CACNG1: variants seen among roughly 807,000 people sequenced by gnomAD.
CACNG1 encodes the protein voltage-dependent calcium channel gamma-1 subunit.
Under a neutral mutation model 22.0 loss-of-function variants are expected in CACNG1, and 21 were observed. That is an observed-to-expected ratio of 0.95 (90% CI 0.68 to 1.37). CACNG1 has a LOEUF of 1.37. CACNG1 is among the 40% of genes most tolerant of loss of function. CACNG1 has a pLI of 0.00. For missense variants in CACNG1, 291 were observed against 308.6 expected, an observed-to-expected ratio of 0.94 and a Z score of 0.43; for synonymous variants, 127 against 129.2, an observed-to-expected ratio of 0.98 and a Z score of 0.12.
At chr17:67,046,684 C>G (rs1299696884) in intron 1 of CACNG1, among the ~76,000 whole-genome samples, 1 of 152,178 alleles carries the variant, frequency 6.6e-6, no homozygotes, top group East Asian at 1.9e-4. Context: ...CAGGGCAGGG[C>G]AAGGCAGCTT....
chr17:67,055,934 C>G lies in CACNG1; in HGVS notation c.443-111C>G. ...CCATCTAGAACCTGCCTTGAGGCAG[C>G]TTTTCCCCCAAGGCAAGGTCACCGC... On this transcript the variant is annotated intron_variant, in intron 3 of 3. Transcript: ENST00000226021. The surrounding 1 kb of genome is among the most constrained non-coding windows in gnomAD (Gnocchi z 4.5). 2 of 808,758 alleles carry G rather than the reference C, an allele frequency of 2.5e-6. No homozygotes were observed. The highest frequency in any genetic ancestry group is 2.0e-6 in the Non-Finnish European group (1 of 498,906). 50.1% of individuals were successfully genotyped at this position (808,758 alleles called of 1,614,324 possible).
chr17:67,054,208 A>G lies in CACNG1; in HGVS notation c.304+138A>G. ...GAAGCCTGTGGTGCATTTGAACAACAGCCTTGTCAGCTCCCCGCTCCGGAG... is the reference window on the plus strand; with the variant it reads ...GAAGCCTGTGGTGCATTTGAACAACGGCCTTGTCAGCTCCCCGCTCCGGAG... On this transcript the variant is annotated intron_variant, in intron 2 of 3. Coordinates refer to ENST00000226021, the MANE Select transcript of CACNG1 (RefSeq NM_000727.4). The surrounding 1 kb of genome is among the most constrained non-coding windows in gnomAD (Gnocchi z 4.6). 1.4e-6 allele frequency: 1 copy of G among 694,220 alleles called. No homozygotes were observed. Among genetic ancestry groups the G allele is most frequent in the Non-Finnish European group, 2.5e-6 (1 of 396,972 alleles). 43.0% of individuals were successfully genotyped at this position (694,220 alleles called of 1,614,324 possible).
At chr17:67,047,551 C>T (rs565576248) in intron 1 of CACNG1, among the ~76,000 whole-genome samples, 2 of 152,182 alleles carry the variant, frequency 1.3e-5, no homozygotes, top group East Asian at 1.9e-4. Context: ...CATTATTTGA[C>T]CTGTCTGGTG....
chr17:67,055,004 C>T lies in CACNG1; in HGVS notation c.305-99C>T, dbSNP rs868117417. ...ACACACACACAATGACACACACAGA[C>T]ACTGACACACACACTGTGGTGCATG... On this transcript the variant is annotated intron_variant, in intron 2 of 3. Coordinates refer to ENST00000226021, the MANE Select transcript of CACNG1 (RefSeq NM_000727.4). This position sits in a 1 kb window ranked among gnomAD's most constrained non-coding sequence, Gnocchi z 4.5. 1.6e-6 allele frequency: 2 copies of T among 1,241,468 alleles called. No individual in the cohort carries two copies. The highest frequency in any genetic ancestry group is 3.5e-5 in the African/African-American group (2 of 57,498). The allele number at this position is 1,241,468 out of a possible 1,614,324, so 76.9% of individuals were successfully genotyped here.
At chr17:67,052,454 T>A (rs942477635) in intron 1 of CACNG1, among the ~76,000 whole-genome samples, 10 of 152,100 alleles carry the variant, frequency 6.6e-5, no homozygotes, top group African/African-American at 2.4e-4. Context: ...TTAAAGAAAG[T>A]CTTCATCCCA....
At chr17:67,046,597 G>A (rs1359339424) in intron 1 of CACNG1, among the ~76,000 whole-genome samples, 1 of 152,212 alleles carries the variant, frequency 6.6e-6, no homozygotes, top group Non-Finnish European at 1.5e-5. Context: ...GGATGCCCAT[G>A]CCCCTTGGCC....
At chr17:67,045,524 CT>C (rs71367200) in intron 1 of CACNG1, among the ~76,000 whole-genome samples, 8,711 of 109,698 alleles carry the variant, frequency 0.079, 230 homozygotes, top group East Asian at 0.11. Flanking sequence ...CCCCCACCTT[CT>C]TTTTTTTTTT....
chr17:67,045,665 G>A (rs1234318035), intron 1 of CACNG1, among the ~76,000 whole-genome samples: 1 of 151,826 alleles, frequency 6.6e-6, no homozygotes, highest in African/African-American at 2.4e-5. Flanking sequence ...TGGGATTACA[G>A]GCATGCACCA....
chr17:67,054,030 C>A lies in CACNG1; in HGVS notation c.264C>A (p.Pro88=). The change falls in exon 2 of 4, where the codon CCC becomes CCA. Residue 88 remains proline, a synonymous_variant. Transcript: ENST00000226021. The surrounding 1 kb of genome is among the most constrained non-coding windows in gnomAD (Gnocchi z 4.6). ...KNCSYFRHFN[P]GESSEIFEFT... The stretch of plus-strand genomic sequence containing the variant: ...GTTCCTACTTCAGGCATTTTAACCC[C>A]GGCGAGAGCTCGGAGATCTTCGAAT... The A allele has an allele frequency of 6.2e-7, 1 of 1,614,130 alleles. No individual in the cohort carries two copies. Among genetic ancestry groups the A allele is most frequent in the South Asian group, 1.1e-5 (1 of 91,084 alleles).
chr17:67,046,120 C>T (rs2035695583), intron 1 of CACNG1, among the ~76,000 whole-genome samples: 1 of 152,150 alleles, frequency 6.6e-6, no homozygotes, highest in Non-Finnish European at 1.5e-5. Flanking sequence ...TTGCCCACTA[C>T]CCTCAAATGA....
chr17:67,046,510 A>C (rs2035698067), intron 1 of CACNG1, among the ~76,000 whole-genome samples: 1 of 152,108 alleles, frequency 6.6e-6, no homozygotes, highest in African/African-American at 2.4e-5. Flanking sequence ...ATAAGTGCCC[A>C]GCTGTTGTAG....
In CACNG1 at chr17:67,054,187, C is replaced by G; in HGVS notation, c.304+117C>G. 1 of 839,470 alleles carries G rather than the reference C, an allele frequency of 1.2e-6. No homozygotes were observed. The highest frequency in any genetic ancestry group is 2.0e-6 in the Non-Finnish European group (1 of 501,528). The allele number at this position is 839,470 out of a possible 1,614,324, so 52.0% of individuals were successfully genotyped here. A position where few individuals can be genotyped will look rare whatever the true frequency, so the allele number is the denominator to read the frequency against. On this transcript the variant is annotated intron_variant, in intron 2 of 3. Transcript: ENST00000226021. The surrounding 1 kb of genome is among the most constrained non-coding windows in gnomAD (Gnocchi z 4.6). ...CTTCCTCACGCCTGATGAGAAGAAG[C>G]CTGTGGTGCATTTGAACAACAGCCT...
At chr17:67,049,264 C>T (rs1000676404) in intron 1 of CACNG1, among the ~76,000 whole-genome samples, 25 of 152,186 alleles carry the variant, frequency 1.6e-4, no homozygotes, top group African/African-American at 5.5e-4. Flanking sequence ...GGATGACATA[C>T]ATATATTAGC....
rs2035687842 is a variant in CACNG1 at position 67,044,987 on chromosome 17, C to T, written c.229+98C>T. 2 of 959,908 alleles carry T rather than the reference C, an allele frequency of 2.1e-6. No individual in the cohort carries two copies. The highest frequency in any genetic ancestry group is 3.1e-5 in the South Asian group (2 of 65,106). 59.5% of individuals were successfully genotyped at this position (959,908 alleles called of 1,614,324 possible). On this transcript the variant is annotated intron_variant, in intron 1 of 3. Transcript: ENST00000226021. The surrounding 1 kb of genome is among the most constrained non-coding windows in gnomAD (Gnocchi z 6.9). ...TGCGAAGGAAGGCAGGTTTCTCTGC[C>T]TAGAAATAGGGCAGCCGCCCAGCCT...
chr17:67,048,410 G>T (rs1027316955), intron 1 of CACNG1, among the ~76,000 whole-genome samples: 1 of 151,874 alleles, frequency 6.6e-6, no homozygotes, highest in African/African-American at 2.4e-5. Context: ...TGAGGGAATT[G>T]TTTGATCCCA....
In CACNG1 at chr17:67,056,487, A is replaced by G; in HGVS notation, c.*216A>G. 1 of 587,296 alleles carries G rather than the reference A, an allele frequency of 1.7e-6. No individual in the cohort carries two copies. Among genetic ancestry groups the G allele is most frequent in the Non-Finnish European group, 3.0e-6 (1 of 328,812 alleles). 36.4% of individuals were successfully genotyped at this position (587,296 alleles called of 1,614,324 possible). ...AAGACGTGAGTCCTAACCTGGCCAC[A>G]GTTGGGGGAGGCAGAGCCAGCAGGT... On this transcript the variant is annotated 3_prime_UTR_variant, in exon 4 of 4. Transcript: ENST00000226021. This position sits in a 1 kb window ranked among gnomAD's most constrained non-coding sequence, Gnocchi z 4.3.
intron 1 of CACNG1, among the ~76,000 whole-genome samples, chr17:67,049,277 A>G (rs574987538): frequency 6.6e-6 from 1 of 152,254 alleles, no homozygotes; most frequent in African/African-American, 2.4e-5. Flanking sequence ...ATATTAGCTC[A>G]CCTAATCCTC....
chr17:67,046,960 T>C (rs1347204955), intron 1 of CACNG1, among the ~76,000 whole-genome samples: 8 of 152,098 alleles, frequency 5.3e-5, no homozygotes, highest in Admixed American at 4.6e-4. Context: ...GAGCACTACC[T>C]TTCCCCCAGT....
In CACNG1 at chr17:67,053,438, G is replaced by A. The variant is rs982953707; in HGVS notation, c.230-558G>A. Among the ~76,000 whole-genome samples, 30 of 152,206 alleles carry A rather than the reference G, an allele frequency of 2.0e-4. 1 individual carries two copies. The highest frequency in any genetic ancestry group is 2.0e-3 in the Admixed American group (30 of 15,278). On this transcript the variant is annotated intron_variant, in intron 1 of 3. Transcript: ENST00000226021. ...AGTCCCAGGTTTGGGGTTGATCCAG[G>A]GTTTCTCAACCTTGACACTCTTGAT...
Sources: gnomAD v4.1 joint callset for allele counts (sites outside exome capture counted in the v4.1 genomes callset) on GRCh38, gnomAD v4.1.1 for gene constraint, Gnocchi (gnomAD v3.1) non-coding constraint, MANE v1.5 for transcripts, NCBI Gene and HGNC (gene_info 2026-07-23, HGNC 2026-07-21) for gene names.